Variants in COL5A1 observed in about 807,000 individuals in gnomAD.
COL5A1 encodes collagen alpha-1(V) chain.
In COL5A1, 16 loss-of-function variants were observed where a neutral mutation model predicts 263.7. That is an observed-to-expected ratio of 0.06 (90% CI 0.04 to 0.09). The LOEUF (loss-of-function observed/expected upper bound fraction) is 0.09. COL5A1 is among the 10% of genes least tolerant of loss of function. The pLI is 1.00. For synonymous variants in COL5A1, 1,012 were observed against 1,004.5 expected (o/e 1.01, Z -0.14); for missense variants, 2,036 against 2,540.5 (o/e 0.80, Z 4.27).
intron 20 of COL5A1, 90 bp downstream of exon 20, chr9:134,763,827 C>G: frequency 2.3e-6 from 3 of 1,320,502 alleles, no homozygotes; most frequent in Non-Finnish European, 3.2e-6. Flanking sequence ...CTGGGATCAG[C>G]CAGGAGCTTA....
intron 33 of COL5A1, 44 bp from the exon 34 acceptor site, chr9:134,795,214 CTGTG>C: frequency 6.2e-7 from 1 of 1,613,048 alleles, no homozygotes; most frequent in South Asian, 1.1e-5. Context: ...AAGGCAGTGT[CTGTG>C]TGTCGGGACT....
chr9:134,710,360 A>G (rs1833980093), intron 4 of COL5A1, among the ~76,000 whole-genome samples: 1 of 152,220 alleles, frequency 6.6e-6, no homozygotes, highest in South Asian at 2.1e-4. Flanking sequence ...ACCCTGTCTC[A>G]TTGAAAGGGG....
At chr9:134,806,495 C>G (rs1297025658) in intron 42 of COL5A1, among the ~76,000 whole-genome samples, 199 bp downstream of exon 42, 2 of 151,970 alleles carry the variant, frequency 1.3e-5, no homozygotes, top group African/African-American at 4.8e-5. Flanking sequence ...CAGGAGGAGT[C>G]CTGGTGCCGG....
intron 5 of COL5A1, among the ~76,000 whole-genome samples, chr9:134,727,732 G>A (rs907124361): frequency 3.9e-5 from 6 of 152,166 alleles, no homozygotes; most frequent in African/African-American, 1.4e-4. Context: ...CCATGGACTC[G>A]ATCCACTGGA....
rs541069320 is a variant in COL5A1, at chr9:134,718,789, G to A, written c.655-8477G>A. Among the ~76,000 whole-genome samples, 4 of 152,326 alleles carry A rather than the reference G, an allele frequency of 2.6e-5. No individual in the cohort carries two copies. The South Asian group carries it at 6.2e-4, about 24-fold the overall frequency. On this transcript the variant is annotated intron_variant, in intron 4 of 65. Transcript: ENST00000371817. ...TCAGCCCTCCTCCCATATGGCCTGC[G>A]AGAGTGGCGCTGCCTCTCAGACCCT...
Position 134,795,141 on chromosome 9 carries a change from A to T in COL5A1, c.2745+15A>T, listed in dbSNP as rs79481146. On this transcript the variant is annotated intron_variant, in intron 33 of 65. Coordinates refer to ENST00000371817, the MANE Select transcript of COL5A1 (RefSeq NM_000093.5). ...GAGGCCCAACGGTAACCACCCTTTC[A>T]GCTTGTGGGCATGTTTGGGAAACGG... The T allele has an allele frequency of 0.053, 85,851 of 1,613,590 alleles. 2,527 individuals carry two copies. Among genetic ancestry groups the T allele is most frequent in the Non-Finnish European group, 0.061 (72,087 of 1,179,590 alleles).
chr9:134,679,374 G>A (rs1175543907), intron 1 of COL5A1, among the ~76,000 whole-genome samples: 2 of 141,932 alleles, frequency 1.4e-5, no homozygotes, highest in Non-Finnish European at 3.1e-5. Context: ...GGGCACTGCG[G>A]GGCTGGTTAG....
chr9:134,661,278 C>A (rs982682157), intron 1 of COL5A1, among the ~76,000 whole-genome samples: 1 of 151,642 alleles, frequency 6.6e-6, no homozygotes, highest in Non-Finnish European at 1.5e-5. Flanking sequence ...ACTAATTGTC[C>A]CACATCTGAC....
chr9:134,824,935 T>C, intron 62 of COL5A1, 80 bp downstream of exon 62: 1 of 1,520,494 alleles, frequency 6.6e-7, no homozygotes, highest in Non-Finnish European at 8.8e-7. Context: ...CAAGGACAGT[T>C]CAGCCAGGCA....
intron 9 of COL5A1, among the ~76,000 whole-genome samples, chr9:134,733,378 T>C (rs1227295895): frequency 6.6e-6 from 1 of 152,218 alleles, no homozygotes; most frequent in Non-Finnish European, 1.5e-5. Context: ...CACCCCTTCC[T>C]GGCCTATGGA....
At chr9:134,685,270 T>TCATCCATC (rs1174468714) in intron 1 of COL5A1, among the ~76,000 whole-genome samples, 2 of 30,096 alleles carry the variant, frequency 6.6e-5, no homozygotes, top group Non-Finnish European at 9.8e-5. Flanking sequence ...ATCCATTAAG[T>TCATCCATC]CATCCATCCA....
intron 1 of COL5A1, among the ~76,000 whole-genome samples, chr9:134,670,203 C>T (rs555485622): frequency 6.6e-6 from 1 of 152,140 alleles, no homozygotes; most frequent in Non-Finnish European, 1.5e-5. Flanking sequence ...GGGTTGTTTC[C>T]AATCGTTTGC....
At chr9:134,731,699 G>T (rs748769228) in intron 8 of COL5A1, 36 bp downstream of exon 8, 1 of 1,585,188 alleles carries the variant, frequency 6.3e-7, no homozygotes, top group Non-Finnish European at 8.6e-7. Flanking sequence ...GGGTGGGGTT[G>T]GGGGGCTGGT....
Position 134,700,162 on chromosome 9 carries a change from G to C in COL5A1, c.491+40G>C. The stretch of plus-strand genomic sequence containing the variant: ...CTGGGCAACTGTCCCCCTGCTGGAG[G>C]GGGGATCAGGCCAGCTCATACCACT... On this transcript the variant is annotated intron_variant, in intron 3 of 65. Transcript: ENST00000371817. The surrounding 1 kb of genome is among the most constrained non-coding windows in gnomAD (Gnocchi z 4.0). 4 of 1,579,034 alleles carry C rather than the reference G, an allele frequency of 2.5e-6. No individual in the cohort carries two copies. The highest frequency in any genetic ancestry group is 3.4e-6 in the Non-Finnish European group (4 of 1,164,338).
intron 57 of COL5A1, among the ~76,000 whole-genome samples, chr9:134,819,584 C>T (rs1033821069): frequency 7.9e-5 from 12 of 152,238 alleles, no homozygotes; most frequent in African/African-American, 2.4e-4. Context: ...CCACTGCCCC[C>T]AGCCCCAAGG....
rs1213387165 is a variant in COL5A1 at position 134,741,399 on chromosome 9, G to A, written c.1494+2591G>A. On this transcript the variant is annotated intron_variant, in intron 11 of 65. Transcript: ENST00000371817. This position sits in a 1 kb window ranked among gnomAD's most constrained non-coding sequence, Gnocchi z 4.5. ...TATACCATTTTAACAAGCAGCAATAGGATGTGGAGAAGTGGCTAGACCAAG... is the reference window on the plus strand; with the variant it reads ...TATACCATTTTAACAAGCAGCAATAAGATGTGGAGAAGTGGCTAGACCAAG... Among the ~76,000 whole-genome samples, 3 of 152,228 alleles carry A rather than the reference G, an allele frequency of 2.0e-5. No homozygotes were observed. Among genetic ancestry groups the A allele is most frequent in the Admixed American group, 6.5e-5 (1 of 15,278 alleles).
chr9:134,721,379 G>T (rs143673441), intron 4 of COL5A1, among the ~76,000 whole-genome samples: 17 of 151,880 alleles, frequency 1.1e-4, no homozygotes, highest in African/African-American at 4.1e-4. Context: ...CCATGACCCC[G>T]TTAGGGCTGT....
Position 134,769,023 on chromosome 9 carries a change from G to A in COL5A1, c.2286+560G>A, listed in dbSNP as rs376569003. The stretch of plus-strand genomic sequence containing the variant: ...GAACACACTCAGAATGCGTGCGTGC[G>A]TGCACACGTGCGTGTACATGAGTGT... On this transcript the variant is annotated intron_variant, in intron 25 of 65. Transcript: ENST00000371817. Among the ~76,000 whole-genome samples, 8 of 152,300 alleles carry A rather than the reference G, an allele frequency of 5.3e-5. No individual in the cohort carries two copies. The South Asian group carries it at 6.2e-4, about 12-fold the overall frequency.
rs761562595 is a variant in COL5A1, at chr9:134,730,402, C to T, written c.1091C>T (p.Pro364Leu). The change falls in exon 7 of 66, where the codon CCC becomes CTC. Residue 364 changes from proline (P) to leucine (L), a missense_variant. Physicochemically the swap from Pro to Leu is moderately conservative, Grantham distance 98 (BLOSUM62 -3). Transcript: ENST00000371817. Reference sequence around the variant, plus strand: ...ACCTATGGCGAGGGGGAGGAGAACCCCGACCAGCCCACAGACCCAGGCGCT... The same window carrying T: ...ACCTATGGCGAGGGGGAGGAGAACCTCGACCAGCCCACAGACCCAGGCGCT... ...DLTYGEGEEN[P>L]DQPTDPGAGA... The T allele has an allele frequency of 2.5e-6, 4 of 1,614,190 alleles. No individual in the cohort carries two copies. The highest frequency in any genetic ancestry group is 4.5e-5 in the East Asian group (2 of 44,890).
Sources: gnomAD v4.1 joint callset for allele counts (sites outside exome capture counted in the v4.1 genomes callset) on GRCh38, gnomAD v4.1.1 for gene constraint, Gnocchi (gnomAD v3.1) non-coding constraint, MANE v1.5 for transcripts, NCBI Gene and HGNC (gene_info 2026-07-23, HGNC 2026-07-21) for gene names.